WWOX: variants seen among roughly 807,000 people sequenced by gnomAD.
WWOX encodes WW domain-containing oxidoreductase.
Under a neutral mutation model 46.2 loss-of-function variants are expected in WWOX, and 69 were observed. The observed-to-expected ratio is 1.49, with a 90% CI of 1.23 to 1.82. The LOEUF (loss-of-function observed/expected upper bound fraction) is 1.82, where lower values mean the gene tolerates loss of function less well. Among genes scored for constraint, WWOX ranks in the 40% most tolerant of loss-of-function variants. The probability of loss-of-function intolerance (pLI) is 0.00; values close to 1 mark genes in which losing one functional copy is unlikely to be tolerated. For synonymous variants in WWOX, 359 were observed against 202.6 expected (o/e 1.77, Z -6.56); for missense variants, 919 against 542.6 (o/e 1.69, Z -6.89).
intron 8 of WWOX, among the ~76,000 whole-genome samples, chr16:78,711,338 C>A (rs1305304883): frequency 6.6e-6 from 1 of 152,188 alleles, no homozygotes; most frequent in Non-Finnish European, 1.5e-5. Flanking sequence ...AACAGCCTGG[C>A]TGAATAGTTC....
intron 8 of WWOX, among the ~76,000 whole-genome samples, chr16:78,470,841 C>G (rs966583447): frequency 1.3e-5 from 2 of 152,174 alleles, no homozygotes; most frequent in Non-Finnish European, 2.9e-5. Flanking sequence ...CAAGACCCCA[C>G]TGCTATTGTC....
intron 8 of WWOX, among the ~76,000 whole-genome samples, chr16:78,454,993 T>C (rs376182937): frequency 2.3e-4 from 35 of 152,230 alleles, no homozygotes; most frequent in African/African-American, 7.0e-4. Context: ...AGGTACTGAC[T>C]TAAGGCATAG....
At chr16:78,843,929 G>A (rs552251359) in intron 8 of WWOX, among the ~76,000 whole-genome samples, 1 of 152,262 alleles carries the variant, frequency 6.6e-6, no homozygotes, top group African/African-American at 2.4e-5. Flanking sequence ...TAATGGCAGA[G>A]CAACACCGAA....
intron 8 of WWOX, among the ~76,000 whole-genome samples, chr16:79,026,163 T>C (rs1199142422): frequency 6.6e-6 from 1 of 151,652 alleles, no homozygotes; most frequent in African/African-American, 2.4e-5. Flanking sequence ...TCTTTAAGTT[T>C]CCTCACTCCT....
intron 8 of WWOX, among the ~76,000 whole-genome samples, chr16:78,680,471 G>A (rs2047703187): frequency 6.6e-6 from 1 of 152,086 alleles, no homozygotes; most frequent in African/African-American, 2.4e-5. Context: ...GGAGGTAGAG[G>A]CATGATCATG....
intron 8 of WWOX, among the ~76,000 whole-genome samples, chr16:78,504,272 A>G (rs1204070715): frequency 2.0e-5 from 3 of 152,236 alleles, no homozygotes; most frequent in African/African-American, 7.2e-5. Flanking sequence ...AGGGTAAAGT[A>G]TCCCTGAAGG....
chr16:78,775,637 A>T (rs1394645586), intron 8 of WWOX, among the ~76,000 whole-genome samples: 3 of 152,304 alleles, frequency 2.0e-5, no homozygotes, highest in African/African-American at 7.2e-5. Context: ...TGAGGATGAA[A>T]ATGTCTTTCT....
At chr16:79,072,235 A>G (rs1006223635) in intron 8 of WWOX, among the ~76,000 whole-genome samples, 3 of 152,148 alleles carry the variant, frequency 2.0e-5, no homozygotes, top group Non-Finnish European at 2.9e-5. Context: ...GCAGTGAGCT[A>G]TGATCATACC....
chr16:79,161,794 C>T (rs1028183634), intron 8 of WWOX, among the ~76,000 whole-genome samples: 1 of 152,246 alleles, frequency 6.6e-6, no homozygotes. Context: ...GCTGGGATTA[C>T]AGACATGAGC....
At chr16:78,740,169 C>T (rs1046723873) in intron 8 of WWOX, among the ~76,000 whole-genome samples, 11 of 152,138 alleles carry the variant, frequency 7.2e-5, no homozygotes, top group African/African-American at 2.7e-4. Context: ...AACTCCATTT[C>T]TTAGAGAGTG....
At chr16:79,157,155 G>A (rs900971015) in intron 8 of WWOX, among the ~76,000 whole-genome samples, 1 of 152,194 alleles carries the variant, frequency 6.6e-6, no homozygotes, top group Non-Finnish European at 1.5e-5. Context: ...GCAGGGAGAA[G>A]AGAAAAAGTG....
At chr16:78,724,513 G>C (rs1348910247) in intron 8 of WWOX, among the ~76,000 whole-genome samples, 1 of 152,026 alleles carries the variant, frequency 6.6e-6, no homozygotes, top group East Asian at 1.9e-4. Flanking sequence ...TATTATTATA[G>C]TTCTTTATCG....
rs749461655 is a variant in WWOX, at chr16:79,211,828, C to T, written c.*32C>T. On this transcript the variant is annotated 3_prime_UTR_variant, in exon 9 of 9. Transcript: ENST00000566780. ...CTCAGAGCGGATGGGCACACACACC[C>T]GCCCTGTGTGTGTCCCCTCACGCAA... The T allele has an allele frequency of 1.0e-4, 167 of 1,613,140 alleles. No homozygotes were observed. The highest frequency in any genetic ancestry group is 3.0e-4 in the Admixed American group (18 of 59,960).
chr16:78,907,290 C>G (rs1417005007), intron 8 of WWOX, among the ~76,000 whole-genome samples: 1 of 152,082 alleles, frequency 6.6e-6, no homozygotes, highest in Non-Finnish European at 1.5e-5. Context: ...CTCAAAAATG[C>G]AAAAGCCGGA....
chr16:78,746,648 G>C (rs551312673), intron 8 of WWOX, among the ~76,000 whole-genome samples: 174 of 151,996 alleles, frequency 1.1e-3, no homozygotes, highest in African/African-American at 4.0e-3. Context: ...AGAGTCTTGA[G>C]ATGTGCTTGC....
At chr16:78,188,079 G>A (rs2035765397) in intron 5 of WWOX, among the ~76,000 whole-genome samples, 2 of 152,138 alleles carry the variant, frequency 1.3e-5, no homozygotes, top group Admixed American at 1.3e-4. Flanking sequence ...AAAGGTACTT[G>A]CTATAGTTTT....
At chr16:78,990,695 A>C (rs1488304832) in intron 8 of WWOX, among the ~76,000 whole-genome samples, 1 of 152,126 alleles carries the variant, frequency 6.6e-6, no homozygotes, top group Non-Finnish European at 1.5e-5. Flanking sequence ...CACATAGAGG[A>C]AAGAAGGAAG....
At chr16:78,537,251 C>T (rs2043781234) in intron 8 of WWOX, among the ~76,000 whole-genome samples, 2 of 152,230 alleles carry the variant, frequency 1.3e-5, no homozygotes, top group South Asian at 4.2e-4. Flanking sequence ...AGTTGTCTGC[C>T]TGCCTCCCTG....
At chr16:78,714,046 A>T (rs942871158) in intron 8 of WWOX, among the ~76,000 whole-genome samples, 1 of 152,160 alleles carries the variant, frequency 6.6e-6, no homozygotes, top group Admixed American at 6.5e-5. Context: ...TGGGGAAAAG[A>T]AGGCAAAATG....
Sources: allele counts gnomAD v4.1 joint callset (sites outside exome capture counted in the v4.1 genomes callset), GRCh38; gene constraint gnomAD v4.1.1; transcripts MANE v1.5; gene names NCBI Gene and HGNC (gene_info 2026-07-23, HGNC 2026-07-21).